The following CTNNA2 variants were observed in gnomAD, a reference collection of about 807,000 sequenced individuals.
CTNNA2 encodes catenin alpha 2, also known as catenin alpha-2.
In CTNNA2, 42 loss-of-function variants were observed where a neutral mutation model predicts 101.0. That is an observed-to-expected ratio of 0.42 (90% CI 0.32 to 0.54). The LOEUF (loss-of-function observed/expected upper bound fraction) is 0.54, where lower values mean the gene tolerates loss of function less well. Among genes scored for constraint, CTNNA2 ranks in the 20% least tolerant of loss-of-function variants. The probability of loss-of-function intolerance (pLI) is 0.14; values close to 1 mark genes in which losing one functional copy is unlikely to be tolerated. For synonymous variants in CTNNA2, 450 were observed against 456.4 expected (o/e 0.99, Z 0.18); for missense variants, 871 against 1,223.1 (o/e 0.71, Z 4.29).
intron 1 of CTNNA2, among the ~76,000 whole-genome samples, chr2:79,641,371 C>T (rs1680439902): frequency 6.6e-6 from 1 of 152,056 alleles, no homozygotes; most frequent in African/African-American, 2.4e-5. Flanking sequence ...GGCAGAAGAA[C>T]AAAGAATAAA....
chr2:79,665,416 A>G (rs1022383141), intron 2 of CTNNA2, among the ~76,000 whole-genome samples: 1 of 152,170 alleles, frequency 6.6e-6, no homozygotes, highest in Non-Finnish European at 1.5e-5. Context: ...AATTTTCTGA[A>G]TATTTCTGCC....
chr2:79,982,277 A>AACAC (rs1691378390), intron 7 of CTNNA2, among the ~76,000 whole-genome samples: 9 of 133,588 alleles, frequency 6.7e-5, no homozygotes, highest in African/African-American at 2.8e-4. Context: ...ACATATATAT[A>AACAC]ATATATATAA....
intron 7 of CTNNA2, among the ~76,000 whole-genome samples, chr2:80,239,403 G>A (rs926350296): frequency 6.6e-6 from 1 of 152,136 alleles, no homozygotes; most frequent in African/African-American, 2.4e-5. Flanking sequence ...ATTGTATGTA[G>A]TGTGTGGGCA....
intron 4 of CTNNA2, among the ~76,000 whole-genome samples, chr2:79,381,641 T>C (rs1678040222): frequency 6.6e-6 from 1 of 152,218 alleles, no homozygotes; most frequent in Non-Finnish European, 1.5e-5. Flanking sequence ...AAGAAGTTCA[T>C]ACCTCAATTG....
chr2:79,327,048 C>A (rs542197122), intron 3 of CTNNA2, among the ~76,000 whole-genome samples: 6 of 152,114 alleles, frequency 3.9e-5, no homozygotes, highest in Non-Finnish European at 8.8e-5. Flanking sequence ...TGATAAAATG[C>A]CTGTAATAAC....
At chr2:79,898,546 G>T (rs1684866899) in intron 6 of CTNNA2, among the ~76,000 whole-genome samples, 1 of 152,154 alleles carries the variant, frequency 6.6e-6, no homozygotes. Context: ...CCACTGTGTG[G>T]CCTTCATCAA....
intron 9 of CTNNA2, among the ~76,000 whole-genome samples, chr2:80,433,104 C>T (rs959687426): frequency 6.6e-6 from 1 of 152,112 alleles, no homozygotes; most frequent in Non-Finnish European, 1.5e-5. Flanking sequence ...GTTTTCATCC[C>T]CACAATCAAG....
At chr2:80,528,959 A>T in intron 9 of CTNNA2, among the ~76,000 whole-genome samples, 1 of 152,194 alleles carries the variant, frequency 6.6e-6, no homozygotes, top group East Asian at 1.9e-4. Flanking sequence ...ATAAATAAAC[A>T]AGTATTAAGA....
At chr2:79,208,967 G>A (rs1674135006) in intron 2 of CTNNA2, among the ~76,000 whole-genome samples, 1 of 152,098 alleles carries the variant, frequency 6.6e-6, no homozygotes, top group South Asian at 2.1e-4. Flanking sequence ...ATGTGGATGT[G>A]AAGGAGATGA....
intron 2 of CTNNA2, among the ~76,000 whole-genome samples, chr2:79,734,713 G>A (rs1670745043): frequency 6.6e-6 from 1 of 152,092 alleles, no homozygotes; most frequent in Non-Finnish European, 1.5e-5. Flanking sequence ...TACGTCATAT[G>A]CCTTCCTGAA....
At chr2:79,594,692 C>A (rs1238262414) in intron 1 of CTNNA2, among the ~76,000 whole-genome samples, 2 of 152,076 alleles carry the variant, frequency 1.3e-5, no homozygotes, top group Non-Finnish European at 2.9e-5. Flanking sequence ...GAGGGCATTT[C>A]TCTTCCTGTT....
rs1051383896 is a variant in CTNNA2, at chr2:79,467,846, C to T, written c.-134-37208C>T. Among the ~76,000 whole-genome samples, 11 of 152,138 alleles carry T rather than the reference C, an allele frequency of 7.2e-5. No individual in the cohort carries two copies. The South Asian group carries it at 8.3e-4, about 11-fold the overall frequency. On this transcript the variant is annotated intron_variant, in intron 4 of 21. Coordinates refer to the CTNNA2 transcript ENST00000466387. ...AAATGCTGAGAGATTTTTGTCACTA[C>T]CAGGCTTGCCCTACAAGAGCTCCTG...
chr2:79,681,194 C>A (rs1156683283), intron 2 of CTNNA2, among the ~76,000 whole-genome samples: 1 of 152,168 alleles, frequency 6.6e-6, no homozygotes, highest in Admixed American at 6.5e-5. Flanking sequence ...TTCCTATCAT[C>A]CATCACCTTT....
rs372749015 is a variant in CTNNA2, at chr2:79,874,098, G to A, written c.608G>A (p.Arg203Gln). 3.1e-6 allele frequency: 5 copies of A among 1,614,160 alleles called. No homozygotes were observed. The highest frequency in any genetic ancestry group is 2.2e-5 in the East Asian group (1 of 44,870). Residue 203 changes from arginine (R) to glutamine (Q), a missense_variant, in exon 6 of 19, where the codon CGG becomes CAG. Arg to Gln is a conservative substitution (Grantham distance 43). This residue lies in a region of CTNNA2 where 647 missense variants were observed against 831.5 expected (regional missense o/e 0.78). Transcript: ENST00000402739. ...RQQELKDPHC[R>Q]DEMAAARGAL... is the part of the protein sequence containing the mutation. ...CAGGAGCTGAAGGATCCTCACTGTC[G>A]GGATGAGATGGCAGCCGCCCGAGGG...
At chr2:79,669,650 G>T (rs754567723) in intron 2 of CTNNA2, among the ~76,000 whole-genome samples, 19 of 152,186 alleles carry the variant, frequency 1.2e-4, no homozygotes, top group Non-Finnish European at 2.1e-4. Flanking sequence ...TGTCTCTGCA[G>T]GTCTCTGAAG....
intron 3 of CTNNA2, chr2:79,339,888 CT>C (rs746251578): frequency 1.3e-5 from 2 of 152,144 alleles, no homozygotes; most frequent in Non-Finnish European, 2.9e-5. Flanking sequence ...TTAGAAAGAC[CT>C]TCTGTTTCAA....
chr2:79,926,785 A>G (rs1283204809), intron 7 of CTNNA2, among the ~76,000 whole-genome samples: 6 of 151,894 alleles, frequency 4.0e-5, no homozygotes, highest in Non-Finnish European at 7.4e-5. Flanking sequence ...GAGTTATACT[A>G]GATACAACAG....
intron 4 of CTNNA2, among the ~76,000 whole-genome samples, chr2:79,440,227 T>C (rs550828508): frequency 5.2e-4 from 79 of 152,256 alleles, no homozygotes; most frequent in Admixed American, 5.0e-3. Context: ...ATTATACATG[T>C]GGTATCCACT....
At chr2:79,435,324 AG>A (rs1452138997) in intron 4 of CTNNA2, among the ~76,000 whole-genome samples, 1 of 152,166 alleles carries the variant, frequency 6.6e-6, no homozygotes, top group African/African-American at 2.4e-5. Context: ...TTCAGAGTGC[AG>A]AGCGTGCATT....
Sources: gnomAD v4.1 joint callset for allele counts (sites outside exome capture counted in the v4.1 genomes callset) on GRCh38, gnomAD v4.1.1 for gene constraint, gnomAD v4.1.1 regional missense constraint, MANE v1.5 for transcripts, NCBI Gene and HGNC (gene_info 2026-07-23, HGNC 2026-07-21) for gene names.